ZGPAT: variants seen among roughly 807,000 people sequenced by gnomAD.
ZGPAT encodes zinc finger CCCH-type with G patch domain-containing protein.
Under a neutral mutation model 47.9 loss-of-function variants are expected in ZGPAT, and 39 were observed. That is an observed-to-expected ratio of 0.81 (90% confidence interval 0.63 to 1.06). The LOEUF (loss-of-function observed/expected upper bound fraction) is 1.06, where lower values mean the gene tolerates loss of function less well. ZGPAT is among the 50% of genes least tolerant of loss of function. The pLI, the probability that ZGPAT is intolerant of heterozygous loss-of-function variation, is 0.00. For synonymous variants in ZGPAT, 348 were observed against 292.9 expected, an observed-to-expected ratio of 1.19 and a Z score of -1.92; for missense variants, 717 against 681.4, an observed-to-expected ratio of 1.05 and a Z score of -0.58.
intron 2 of ZGPAT, among the ~76,000 whole-genome samples, chr20:63,723,036 C>G (rs1164255005): frequency 6.6e-6 from 1 of 152,196 alleles, no homozygotes; most frequent in African/African-American, 2.4e-5. Context: ...TTTCCTCTGA[C>G]ATAGTTCCAT....
intron 2 of ZGPAT, among the ~76,000 whole-genome samples, chr20:63,722,117 G>A (rs1274645964): frequency 6.6e-6 from 1 of 152,128 alleles, no homozygotes; most frequent in Non-Finnish European, 1.5e-5. Flanking sequence ...CCTTCAGGGA[G>A]ACACTAGAAA....
chr20:63,723,306 GACAC>G (rs1415145686), intron 2 of ZGPAT, among the ~76,000 whole-genome samples: 1 of 127,094 alleles, frequency 7.9e-6, no homozygotes, highest in Non-Finnish European at 1.7e-5. Flanking sequence ...CTTCTCCTAT[GACAC>G]AGCTCCATCC....
Position 63,709,025 on chromosome 20 carries a change from A to C in ZGPAT, c.445A>C (p.Asn149His). 1 of 1,613,698 alleles carries C rather than the reference A, an allele frequency of 6.2e-7. No homozygotes were observed. Residue 149 changes from asparagine (N) to histidine (H), a missense_variant, in exon 2 of 7, where the codon AAC becomes CAC. By Grantham distance (68) the Asn-to-His change is moderately conservative. Coordinates refer to ENST00000355969, the MANE Select transcript of ZGPAT (RefSeq NM_181485.3). ...YSSWGTLEYH[N>H]AMVVGTEEAE... ...CTCCTGGGGCACTCTGGAGTATCAC[A>C]ACGCCATGGTGGTGGGAACGGAAGA...
intron 2 of ZGPAT, among the ~76,000 whole-genome samples, chr20:63,716,732 G>A (rs765226642): frequency 6.6e-6 from 1 of 152,042 alleles, no homozygotes; most frequent in African/African-American, 2.4e-5. Flanking sequence ...TCCCAGGCTG[G>A]AGTGCAGTGG....
At chr20:63,719,487 G>A (rs2091765731) in intron 2 of ZGPAT, among the ~76,000 whole-genome samples, 1 of 151,798 alleles carries the variant, frequency 6.6e-6, no homozygotes, top group Non-Finnish European at 1.5e-5. Context: ...TCCTCATTTT[G>A]GATAAATTCA....
Position 63,708,988 on chromosome 20 carries a change from G to T in ZGPAT, c.408G>T (p.Ala136=). The T allele has an allele frequency of 6.2e-7, 1 of 1,613,532 alleles. No individual in the cohort carries two copies. Among genetic ancestry groups the T allele is most frequent in the Non-Finnish European group, 8.5e-7 (1 of 1,180,016 alleles). The change falls in exon 2 of 7, where the codon GCG becomes GCT. Residue 136 remains alanine, a synonymous_variant. Coordinates refer to ENST00000355969, the MANE Select transcript of ZGPAT (RefSeq NM_181485.3). ...EEELSGTKVS[A]PYYSSWGTLE... is the part of the protein sequence containing the mutation. ...AGCTGAGTGGGACAAAGGTGAGCGC[G>T]CCCTACTACAGCTCCTGGGGCACTC...
At chr20:63,717,035 T>C (rs1415388251) in intron 2 of ZGPAT, among the ~76,000 whole-genome samples, 1 of 152,194 alleles carries the variant, frequency 6.6e-6, no homozygotes, top group African/African-American at 2.4e-5. Flanking sequence ...CAGGCTGGTC[T>C]TGAAATCCTG....
rs1434280828 is a variant in ZGPAT at position 63,708,546 on chromosome 20, C to G, written c.-28-7C>G. On this transcript the variant is annotated splice_polypyrimidine_tract_variant and splice_region_variant and intron_variant, in intron 1 of 6. Coordinates refer to ENST00000355969, the MANE Select transcript of ZGPAT (RefSeq NM_181485.3). ...ACGCGGGGCTCAGCTGGCTTCTCTT[C>G]TTGCAGCCCTGGTCCAGCGCCTCCC... 1 of 1,539,716 alleles carries G rather than the reference C, an allele frequency of 6.5e-7. No homozygotes were observed. Among genetic ancestry groups the G allele is most frequent in the Non-Finnish European group, 8.8e-7 (1 of 1,139,992 alleles).
intron 2 of ZGPAT, among the ~76,000 whole-genome samples, chr20:63,724,429 C>T (rs2091822530): frequency 6.6e-6 from 1 of 151,090 alleles, no homozygotes; most frequent in Non-Finnish European, 1.5e-5. Context: ...TGCCTGTAAT[C>T]CCAAAGCCTT....
chr20:63,727,991 C>T (rs1366604158), intron 2 of ZGPAT, among the ~76,000 whole-genome samples: 1 of 151,398 alleles, frequency 6.6e-6, no homozygotes, highest in African/African-American at 2.4e-5. Context: ...AAAACTTGCC[C>T]ACCCACCCCT....
chr20:63,712,953 A>G (rs2091685664), intron 2 of ZGPAT, among the ~76,000 whole-genome samples: 1 of 152,198 alleles, frequency 6.6e-6, no homozygotes. Flanking sequence ...TCATGAATGA[A>G]GGATCTGTCC....
intron 2 of ZGPAT, among the ~76,000 whole-genome samples, chr20:63,715,092 C>T (rs1568787466): frequency 6.6e-6 from 1 of 151,822 alleles, no homozygotes; most frequent in South Asian, 2.1e-4. Context: ...GGCGTATTAT[C>T]TCTTTATTAT....
chr20:63,713,469 G>A (rs2091692004), intron 2 of ZGPAT, among the ~76,000 whole-genome samples: 1 of 151,820 alleles, frequency 6.6e-6, no homozygotes, highest in Non-Finnish European at 1.5e-5. Context: ...GACCTCAGGT[G>A]ATCTGCCTGC....
At chr20:63,716,398 C>T (rs1325716218) in intron 2 of ZGPAT, among the ~76,000 whole-genome samples, 1 of 152,158 alleles carries the variant, frequency 6.6e-6, no homozygotes. Flanking sequence ...GTTATCTAAT[C>T]TGTTACCATA....
Position 63,732,674 on chromosome 20 carries a change from CTGTGTGCA to C in ZGPAT, c.585-538_585-531del, listed in dbSNP as rs2091926942. 6.0e-5 allele frequency among the ~76,000 whole-genome samples: 4 copies of C among 67,010 alleles called. No individual in the cohort carries two copies. The South Asian group carries it at 1.8e-3, about 31-fold the overall frequency. The allele number at this position is 67,010 out of a possible 152,430, so 44.0% of individuals were successfully genotyped here. A position where few individuals can be genotyped will look rare whatever the true frequency, so the allele number is the denominator to read the frequency against. On this transcript the variant is annotated intron_variant, in intron 2 of 6. Coordinates refer to ENST00000355969, the MANE Select transcript of ZGPAT (RefSeq NM_181485.3). ...AATGTGTGTGTACATGTGTATATGCCTGTGTGCATGTGTGTATGCATGTGTATACATGT... is the reference window on the plus strand; with the variant it reads ...AATGTGTGTGTACATGTGTATATGCCTGTGTGTATGCATGTGTATACATGT...
chr20:63,714,356 G>A (rs1322697438), intron 2 of ZGPAT, among the ~76,000 whole-genome samples: 2 of 151,518 alleles, frequency 1.3e-5, no homozygotes, highest in Admixed American at 6.6e-5. Flanking sequence ...AACCTGGGGG[G>A]CGGAGGTTGC....
chr20:63,735,982 A>AGTGTTG lies in ZGPAT; in HGVS notation c.*64_*69dup. ...AGCACGGGCTGCCCTCAGGAAGACCAGTGTTGCCCGAGGAGGGGCCGGCCT... is the reference window on the plus strand; with the variant it reads ...AGCACGGGCTGCCCTCAGGAAGACCAGTGTTGGTGTTGCCCGAGGAGGGGCCGGCCT... On this transcript the variant is annotated 3_prime_UTR_variant, in exon 7 of 7. Transcript: ENST00000355969. The AGTGTTG allele has an allele frequency of 1.3e-6, 2 of 1,563,596 alleles. No individual in the cohort carries two copies.
chr20:63,711,359 A>G (rs1156842732), intron 2 of ZGPAT, among the ~76,000 whole-genome samples: 3 of 152,154 alleles, frequency 2.0e-5, no homozygotes, highest in African/African-American at 7.2e-5. Flanking sequence ...ACAGCCCTGT[A>G]GGTAGGCCCT....
chr20:63,712,238 A>G (rs1160811120), intron 2 of ZGPAT, among the ~76,000 whole-genome samples: 2 of 152,200 alleles, frequency 1.3e-5, no homozygotes, highest in East Asian at 3.9e-4. Flanking sequence ...CAGTTTTCCC[A>G]GCACCATTTG....
Sources: allele counts gnomAD v4.1 joint callset (sites outside exome capture counted in the v4.1 genomes callset), GRCh38; gene constraint gnomAD v4.1.1; transcripts MANE v1.5; gene names NCBI Gene and HGNC (gene_info 2026-07-23, HGNC 2026-07-21).